TRPA1: variants seen among roughly 807,000 people sequenced by gnomAD.
The protein encoded by TRPA1 is ankyrin-like with transmembrane domains 1.
Under a neutral mutation model 131.3 loss-of-function variants are expected in TRPA1, and 129 were observed. That is an observed-to-expected ratio of 0.98 (90% CI 0.85 to 1.14). The LOEUF (loss-of-function observed/expected upper bound fraction) is 1.14, where lower values mean the gene tolerates loss of function less well. Among genes scored for constraint, TRPA1 ranks in the 50% most tolerant of loss-of-function variants. The pLI is 0.00. For missense variants in TRPA1, 1,304 were observed against 1,354.2 expected (o/e 0.96, Z 0.58); for synonymous variants, 441 against 451.7 (o/e 0.98, Z 0.30).
rs1805650302 is a variant in TRPA1, at chr8:72,055,757, G to A, written c.1293C>T (p.Asn431=). 1.2e-6 allele frequency: 2 copies of A among 1,612,968 alleles called. No homozygotes were observed. The highest frequency in any genetic ancestry group is 8.5e-7 in the Non-Finnish European group (1 of 1,179,230). Residue 431 remains asparagine (N), a synonymous_variant, in exon 11 of 27, where the codon AAC becomes AAT. Transcript: ENST00000262209. The part of the protein sequence containing the change: ...CRQGGPGSVN[N]LLGFNVSIHS... ...GAATGGACACATTAAAGCCAAGTAGGTTATTTACAGAACCAGGGCCCCCCT... is the reference window on the plus strand; with the variant it reads ...GAATGGACACATTAAAGCCAAGTAGATTATTTACAGAACCAGGGCCCCCCT...
Position 72,033,762 on chromosome 8 carries a change from T to C in TRPA1, c.2750A>G (p.Asn917Ser), listed in dbSNP as rs751108958. 25 of 1,614,014 alleles carry C rather than the reference T, an allele frequency of 1.5e-5. No homozygotes were observed. In the African/African-American group the frequency reaches 1.7e-4, roughly 11 times the overall value. Residue 917 changes from asparagine to serine, a missense_variant, in exon 23 of 27, where the codon AAT (asparagine) becomes AGT (serine). Coordinates refer to ENST00000262209, the MANE Select transcript of TRPA1 (RefSeq NM_007332.3). ...TGGTTCTAGGAAGGACTCTCGATAA[T>C]TGATATCTCCTAGCATCATGCTGAA... ...QTFSMMLGDI[N>S]YRESFLEPYL...
At chr8:72,078,944 G>A (rs1371629587), upstream of TRPA1, among the ~76,000 whole-genome samples, 3 of 151,766 alleles carry the variant, frequency 2.0e-5, no homozygotes, top group Admixed American at 6.6e-5. Flanking sequence ...TTTTTATTAT[G>A]ATCATTCTAA....
intron 12 of TRPA1, chr8:72,054,467 A>G (rs1401806581): frequency 1.3e-5 from 2 of 153,444 alleles, no homozygotes; most frequent in Non-Finnish European, 2.9e-5. Flanking sequence ...TGTAAATACA[A>G]CAAAGCCTTG....
At position 72,053,877 on chromosome 8, in the gene TRPA1, A is replaced by G. The variant is rs753552111; in HGVS notation, c.1530-10T>C. 8 of 1,602,148 alleles carry G rather than the reference A, an allele frequency of 5.0e-6. No individual in the cohort carries two copies. The African/African-American group carries it at 1.1e-4, about 21-fold the overall frequency. ...CCAGCCATTGTGGTCACTGGTAAAGAGTTAAGAAAAGATGTGTGCATACAC... is the reference window on the plus strand; with the variant it reads ...CCAGCCATTGTGGTCACTGGTAAAGGGTTAAGAAAAGATGTGTGCATACAC... On this transcript the variant is annotated splice_polypyrimidine_tract_variant and intron_variant, in intron 12 of 26. Coordinates refer to ENST00000262209, the MANE Select transcript of TRPA1 (RefSeq NM_007332.3).
intron 1 of TRPA1, 44 bp downstream of exon 1, chr8:72,075,255 C>A: frequency 6.7e-7 from 1 of 1,494,786 alleles, no homozygotes; most frequent in Non-Finnish European, 9.3e-7. Context: ...CCGACCCCCG[C>A]CCGCACGTCG....
chr8:72,054,274 G>A (rs1046160984), intron 12 of TRPA1: 10 of 249,154 alleles, frequency 4.0e-5, no homozygotes, highest in African/African-American at 2.3e-4. Context: ...AGTAATGTTA[G>A]TCTTTGTGGT....
At chr8:72,086,538 T>C in the TRPA1 span, among the ~76,000 whole-genome samples, 1 of 152,214 alleles carries the variant, frequency 6.6e-6, no homozygotes, top group African/African-American at 2.4e-5. Context: ...AATACAAAAT[T>C]CTTTCACAGT....
chr8:72,055,749 C>T lies in TRPA1; in HGVS notation c.1301G>A (p.Gly434Asp), dbSNP rs1805649627. Residue 434 changes from glycine to aspartate, a missense_variant, in exon 11 of 27, where the codon GGC becomes GAC. Gly to Asp is a moderately conservative substitution (Grantham distance 94). Coordinates refer to ENST00000262209, the MANE Select transcript of TRPA1 (RefSeq NM_007332.3). ...GGPGSVNNLL[G>D]FNVSIHSKSK... ...TTTGGAATGAATGGACACATTAAAG[C>T]CAAGTAGGTTATTTACAGAACCAGG... 2 of 1,612,944 alleles carry T rather than the reference C, an allele frequency of 1.2e-6. No homozygotes were observed. Among genetic ancestry groups the T allele is most frequent in the African/African-American group, 2.7e-5 (2 of 74,862 alleles).
At chr8:72,025,613 G>T (rs986488317) in intron 25 of TRPA1, among the ~76,000 whole-genome samples, 2 of 152,124 alleles carry the variant, frequency 1.3e-5, no homozygotes, top group Admixed American at 1.3e-4. Context: ...ACACATAAAT[G>T]TAAGTGACAT....
At chr8:72,065,160 AG>A (rs1805901025) in intron 4 of TRPA1, among the ~76,000 whole-genome samples, 1 of 152,188 alleles carries the variant, frequency 6.6e-6, no homozygotes. Context: ...TTTGCATTCT[AG>A]CCTGACCACC....
At position 72,068,879 on chromosome 8, in the gene TRPA1, G is replaced by T. The variant is rs1049159099; in HGVS notation, c.444+144C>A. On this transcript the variant is annotated intron_variant, in intron 3 of 26. Coordinates refer to ENST00000262209, the MANE Select transcript of TRPA1 (RefSeq NM_007332.3). ...CATCATCATCATCATTAGTTAGTGA[G>T]AAGTAAAGCAAATGTAATAATTGCA... 8.3e-6 allele frequency: 7 copies of T among 845,554 alleles called. No homozygotes were observed. In the African/African-American group the frequency reaches 1.2e-4, roughly 14 times the overall value. The allele number at this position is 845,554 out of a possible 1,614,324, so 52.4% of individuals were successfully genotyped here. A position where few individuals can be genotyped will look rare whatever the true frequency, so the allele number is the denominator to read the frequency against.
In TRPA1 at chr8:72,038,107, G is replaced by C. The variant is rs201400201; in HGVS notation, c.2296-35C>G. 6.6e-5 allele frequency: 72 copies of C among 1,094,412 alleles called. No individual in the cohort carries two copies. The African/African-American group carries it at 1.0e-3, about 16-fold the overall frequency. 67.8% of individuals were successfully genotyped at this position (1,094,412 alleles called of 1,614,324 possible). A position where few individuals can be genotyped will look rare whatever the true frequency, so the allele number is the denominator to read the frequency against. On this transcript the variant is annotated intron_variant, in intron 19 of 26. Coordinates refer to ENST00000262209, the MANE Select transcript of TRPA1 (RefSeq NM_007332.3). ...AAAAGGATAAGACACATAGTTATGA[G>C]AGATATAAAACACTTTAACATTTCC...
Position 72,039,783 on chromosome 8 carries a change from ATT to A in TRPA1, c.2074_2075del (p.Asn692Ter). ...GATGATTGAGAAGCTCTATGCGGTT[ATT>A]TTGTACCATTGCCTGAGAAATAAAA... ...PLTALNAMVQ[N>X]NRIELLNHPV... On this transcript the variant is annotated frameshift_variant, in exon 18 of 27. Transcript: ENST00000262209. LOFTEE classifies it high-confidence loss of function. 6.2e-7 allele frequency: 1 copy of A among 1,607,828 alleles called. No homozygotes were observed. Among genetic ancestry groups the A allele is most frequent in the Non-Finnish European group, 8.5e-7 (1 of 1,174,970 alleles).
At chr8:72,047,231 A>T in intron 15 of TRPA1, 24 bp from the exon 16 acceptor site, 1 of 1,582,066 alleles carries the variant, frequency 6.3e-7, no homozygotes, top group South Asian at 1.1e-5. Flanking sequence ...AAACCAGCTA[A>T]GATATTGGGG....
At chr8:72,044,407 C>G (rs1812357466) in intron 17 of TRPA1, among the ~76,000 whole-genome samples, 1 of 151,986 alleles carries the variant, frequency 6.6e-6, no homozygotes, top group African/African-American at 2.4e-5. Flanking sequence ...CACACAGATA[C>G]TTGTTTTCAA....
intron 10 of TRPA1, 77 bp from the exon 11 acceptor site, chr8:72,055,932 A>G (rs1005319312): frequency 6.7e-7 from 1 of 1,483,604 alleles, no homozygotes; most frequent in Non-Finnish European, 9.3e-7. Context: ...ATTCTGTAGG[A>G]AAATATTTTC....
chr8:72,055,433 C>T lies in TRPA1; in HGVS notation c.1529+3G>A. The T allele has an allele frequency of 6.2e-7, 1 of 1,611,600 alleles. No homozygotes were observed. The highest frequency in any genetic ancestry group is 1.1e-5 in the South Asian group (1 of 91,014). ...TATAAACACTCCAATCATATATCCT[C>T]ACCTGAGAAACAATGCACCTTTTTT... is the stretch of plus-strand genomic sequence containing the variant. On this transcript the variant is annotated splice_donor_region_variant and intron_variant, in intron 12 of 26. Transcript: ENST00000262209.
At chr8:72,026,109 A>G in intron 24 of TRPA1, 36 bp from the exon 25 acceptor site, 1 of 1,530,884 alleles carries the variant, frequency 6.5e-7, no homozygotes, top group African/African-American at 1.4e-5. Context: ...TAGAATCATT[A>G]GTTAGTATAT....
At chr8:72,033,940 C>A in intron 22 of TRPA1, 114 bp from the exon 23 acceptor site, 1 of 1,017,526 alleles carries the variant, frequency 9.8e-7, no homozygotes, top group Middle Eastern at 2.0e-4. Context: ...AAGTCATAGG[C>A]ATATAGCTGT....
Sources: gnomAD v4.1 joint callset for allele counts (sites outside exome capture counted in the v4.1 genomes callset) on GRCh38, gnomAD v4.1.1 for gene constraint, MANE v1.5 for transcripts, NCBI Gene and HGNC (gene_info 2026-07-23, HGNC 2026-07-21) for gene names.